The following CHST1 variants were observed in gnomAD, a reference collection of about 807,000 sequenced individuals.
The protein encoded by CHST1 is Keratan sulfotransferase.
A neutral mutation model predicts 22.5 loss-of-function variants in CHST1; 10 were observed. The observed-to-expected ratio is 0.44, with a 90% CI of 0.27 to 0.75. CHST1 has a LOEUF of 0.75. Ranked by LOEUF, CHST1 falls within the 30% of genes least tolerant of loss-of-function variation. The pLI is 0.15. For synonymous variants in CHST1, 267 were observed against 264.5 expected (o/e 1.01, Z -0.09); for missense variants, 439 against 576.1 (o/e 0.76, Z 2.44).
chr11:45,656,722 T>TC (rs71451618), intron 1 of CHST1, among the ~76,000 whole-genome samples: 592 of 48,678 alleles, frequency 0.012, 1 homozygote, highest in South Asian at 0.027. Context: ...CCTCCCACCC[T>TC]CCCCCCCCAG....
intron 1 of CHST1, among the ~76,000 whole-genome samples, chr11:45,654,582 C>G (rs975905897): frequency 1.3e-5 from 2 of 152,250 alleles, no homozygotes; most frequent in East Asian, 1.9e-4. Context: ...CCCAAGGAAG[C>G]CTTAGCCACT....
At position 45,649,645 on chromosome 11, in the gene CHST1, AACCGAC is replaced by A. The variant is rs764853865; in HGVS notation, c.*37_*42del. 40 of 1,504,568 alleles carry A rather than the reference AACCGAC, an allele frequency of 2.7e-5. No individual in the cohort carries two copies. Among genetic ancestry groups the A allele is most frequent in the African/African-American group, 5.6e-5 (4 of 71,676 alleles). 93.2% of individuals were successfully genotyped at this position (1,504,568 alleles called of 1,614,324 possible). On this transcript the variant is annotated 3_prime_UTR_variant, in exon 4 of 4. Transcript: ENST00000308064. ...AGTTAAAAACGGTCCATTTTATCAA[AACCGAC>A]ACCTTGCGCCTCCCGCCCCCACCCG...
chr11:45,649,691 C>G lies in CHST1; in HGVS notation c.1233G>C (p.Ser411=), dbSNP rs7115779. 3.4e-3 allele frequency: 5,291 copies of G among 1,561,962 alleles called. 27 individuals are homozygous for G. The highest frequency in any genetic ancestry group is 4.8e-3 in the South Asian group (408 of 84,890). The change falls in exon 4 of 4, where the codon TCG becomes TCC. Residue 411 remains serine (S), a synonymous_variant. Coordinates refer to ENST00000308064, the MANE Select transcript of CHST1 (RefSeq NM_003654.6). ...LVEERDFRPF[S] is the part of the protein sequence containing the mutation. ...GCCCCCACCCGCACCGCCCGGGTCA[C>G]GAGAAGGGGCGGAAGTCCCGCTCCT...
chr11:45,663,812 ATTCC>A (rs1852164206), intron 1 of CHST1, among the ~76,000 whole-genome samples: 1 of 152,140 alleles, frequency 6.6e-6, no homozygotes, highest in East Asian at 1.9e-4. Flanking sequence ...AAATCCACCC[ATTCC>A]TTTCCCCAGC....
chr11:45,662,407 G>A (rs1291186909), intron 1 of CHST1, among the ~76,000 whole-genome samples: 1 of 152,198 alleles, frequency 6.6e-6, no homozygotes, highest in Non-Finnish European at 1.5e-5. Flanking sequence ...CACTGTGCCA[G>A]GCCCTCAGGA....
Position 45,648,487 on chromosome 11 carries a change from A to T in CHST1, c.*1201T>A, listed in dbSNP as rs1851945074. On this transcript the variant is annotated 3_prime_UTR_variant, in exon 4 of 4. Transcript: ENST00000308064. ...GCCCAGAGCTCAGGAGTTCGCGACCAGCCTGGACAACACGGTGAAACCCCG... is the reference window on the plus strand; with the variant it reads ...GCCCAGAGCTCAGGAGTTCGCGACCTGCCTGGACAACACGGTGAAACCCCG... Among the ~76,000 whole-genome samples, 1 of 151,452 alleles carries T rather than the reference A, an allele frequency of 6.6e-6. No individual in the cohort carries two copies. Among genetic ancestry groups the T allele is most frequent in the Admixed American group, 6.6e-5 (1 of 15,224 alleles).
At position 45,650,853 on chromosome 11, in the gene CHST1, C is replaced by T. The variant is rs374746953; in HGVS notation, c.71G>A (p.Arg24His). ...ASIAIQYTAI[R>H]TFTAKSFHTC... is the part of the protein sequence containing the mutation. ...GTGAAAGGACTTGGCGGTGAAGGTG[C>T]GGATGGCCGTGTACTGGATGGCAAT... Residue 24 changes from arginine to histidine, a missense_variant, in exon 4 of 4, where the codon CGC (arginine) becomes CAC (histidine). Coordinates refer to ENST00000308064, the MANE Select transcript of CHST1 (RefSeq NM_003654.6). 1.3e-6 allele frequency: 2 copies of T among 1,592,834 alleles called. No individual in the cohort carries two copies. Among genetic ancestry groups the T allele is most frequent in the Non-Finnish European group, 8.6e-7 (1 of 1,168,656 alleles).
chr11:45,649,577 G>T lies in CHST1; in HGVS notation c.*111C>A. On this transcript the variant is annotated 3_prime_UTR_variant, in exon 4 of 4. Coordinates refer to ENST00000308064, the MANE Select transcript of CHST1 (RefSeq NM_003654.6). ...AGTGGGGTGAGCTGGGGGCAGGAAGGACACGAAGATGAGGTGGGAGAGGGA... is the reference window on the plus strand; with the variant it reads ...AGTGGGGTGAGCTGGGGGCAGGAAGTACACGAAGATGAGGTGGGAGAGGGA... The T allele has an allele frequency of 8.8e-7, 1 of 1,135,260 alleles. No individual in the cohort carries two copies. Among genetic ancestry groups the T allele is most frequent in the Non-Finnish European group, 1.2e-6 (1 of 802,574 alleles). The allele number at this position is 1,135,260 out of a possible 1,614,324, so 70.3% of individuals were successfully genotyped here. A position where few individuals can be genotyped will look rare whatever the true frequency, so the allele number is the denominator to read the frequency against.
In CHST1 at chr11:45,657,400, G is replaced by A. The variant is rs977992060; in HGVS notation, c.-226-4794C>T. Among the ~76,000 whole-genome samples, 4 of 152,292 alleles carry A rather than the reference G, an allele frequency of 2.6e-5. No homozygotes were observed. The South Asian group carries it at 8.3e-4, about 32-fold the overall frequency. ...AGTCACACCATGTGTGGGCTACTGA[G>A]CTAGCCAATAGGAAAAGGGAAATAT... On this transcript the variant is annotated intron_variant, in intron 1 of 3. Coordinates refer to ENST00000308064, the MANE Select transcript of CHST1 (RefSeq NM_003654.6).
Position 45,649,882 on chromosome 11 carries a change from C to G in CHST1, c.1042G>C (p.Gly348Arg), listed in dbSNP as rs1851967971. The G allele has an allele frequency of 6.2e-7, 1 of 1,611,222 alleles. No individual in the cohort carries two copies. Among genetic ancestry groups the G allele is most frequent in the South Asian group, 1.1e-5 (1 of 91,074 alleles). ...GTGGCCGCCGAGTTTCGCACGGTGCCGTATTTGTGCTTGCCCAGGGTGGGG... is the reference window on the plus strand; with the variant it reads ...GTGGCCGCCGAGTTTCGCACGGTGCGGTATTTGTGCTTGCCCAGGGTGGGG... ...GDPTLGKHKYGTVRNSAATAE... is the reference protein window; with the variant it reads ...GDPTLGKHKYRTVRNSAATAE... Residue 348 changes from glycine to arginine, a missense_variant, in exon 4 of 4, where the codon GGC becomes CGC. Transcript: ENST00000308064.
Position 45,649,508 on chromosome 11 carries a change from C to T in CHST1, c.*180G>A. 1 of 666,236 alleles carries T rather than the reference C, an allele frequency of 1.5e-6. No homozygotes were observed. The highest frequency in any genetic ancestry group is 2.1e-5 in the South Asian group (1 of 48,212). The allele number at this position is 666,236 out of a possible 1,614,324, so 41.3% of individuals were successfully genotyped here. ...GCCCTCTGCCCCAGTGATTCCCGTC[C>T]AAGACGTAGTGCAAATTTCAGAGAC... On this transcript the variant is annotated 3_prime_UTR_variant, in exon 4 of 4. Coordinates refer to ENST00000308064, the MANE Select transcript of CHST1 (RefSeq NM_003654.6).
chr11:45,652,931 C>G (rs1254612766), intron 1 of CHST1, among the ~76,000 whole-genome samples: 1 of 152,220 alleles, frequency 6.6e-6, no homozygotes. Context: ...CCAGCTTAAA[C>G]ATATTTGGCC....
chr11:45,660,704 T>C (rs1314517736), intron 1 of CHST1, among the ~76,000 whole-genome samples: 2 of 152,204 alleles, frequency 1.3e-5, no homozygotes, highest in African/African-American at 4.8e-5. Context: ...TGCAGAATCC[T>C]TGAAGGACAG....
At chr11:45,656,386 T>C (rs918868150) in intron 1 of CHST1, among the ~76,000 whole-genome samples, 3 of 152,178 alleles carry the variant, frequency 2.0e-5, no homozygotes, top group African/African-American at 7.2e-5. Flanking sequence ...CCAGCATATA[T>C]AAGTTTCAAA....
At chr11:45,655,470 C>T (rs988601420) in intron 1 of CHST1, among the ~76,000 whole-genome samples, 7 of 152,234 alleles carry the variant, frequency 4.6e-5, no homozygotes, top group African/African-American at 1.7e-4. Context: ...CTCGTAGTCC[C>T]GTCATCGCTG....
chr11:45,650,483 G>A lies in CHST1; in HGVS notation c.441C>T (p.Thr147=). Residue 147 remains threonine (T), a synonymous_variant, in exon 4 of 4, where the codon ACC becomes ACT. Coordinates refer to ENST00000308064, the MANE Select transcript of CHST1 (RefSeq NM_003654.6). ...CCCCGCGGCGGAAGATCCTGTCGGT[G>A]GTGTGGTTGACCGGCGGCGGCTTGA... ...NYIKPPPVNH[T]TDRIFRRGAS... 1 of 1,613,456 alleles carries A rather than the reference G, an allele frequency of 6.2e-7. No homozygotes were observed. Among genetic ancestry groups the A allele is most frequent in the Non-Finnish European group, 8.5e-7 (1 of 1,179,964 alleles).
chr11:45,662,097 C>T (rs1054411329), intron 1 of CHST1, among the ~76,000 whole-genome samples: 4 of 152,182 alleles, frequency 2.6e-5, no homozygotes, highest in Admixed American at 6.5e-5. Context: ...CTGAAGAGCT[C>T]CCTGTCCCTC....
intron 1 of CHST1, among the ~76,000 whole-genome samples, chr11:45,662,302 G>C (rs72898606): frequency 1.5e-4 from 23 of 152,262 alleles, no homozygotes; most frequent in Admixed American, 3.3e-4. Context: ...TGCCTTTAGC[G>C]GGAAGGCTGA....
chr11:45,653,206 C>T (rs1456210177), intron 1 of CHST1, among the ~76,000 whole-genome samples: 1 of 152,044 alleles, frequency 6.6e-6, no homozygotes, highest in Admixed American at 6.5e-5. Context: ...CTCAGCTCAC[C>T]CAACTTCTAG....
Sources: gnomAD v4.1 joint callset for allele counts (sites outside exome capture counted in the v4.1 genomes callset) on GRCh38, gnomAD v4.1.1 for gene constraint, MANE v1.5 for transcripts, NCBI Gene and HGNC (gene_info 2026-07-23, HGNC 2026-07-21) for gene names.